Variants in L3MBTL4 observed in about 807,000 individuals in gnomAD.
L3MBTL4 encodes lethal(3)malignant brain tumor-like protein 4.
A neutral mutation model predicts 84.5 loss-of-function variants in L3MBTL4; 70 were observed. The observed-to-expected ratio is 0.83, with a 90% CI of 0.68 to 1.01. The LOEUF is 1.01. Among genes scored for constraint, L3MBTL4 ranks in the 50% least tolerant of loss-of-function variants. L3MBTL4 has a pLI of 0.00. For missense variants in L3MBTL4, 715 were observed against 754.8 expected, an observed-to-expected ratio of 0.95 and a Z score of 0.62; for synonymous variants, 274 against 259.8, an observed-to-expected ratio of 1.05 and a Z score of -0.52.
chr18:6,029,324 A>T (rs1243838140), intron 16 of L3MBTL4: 2 of 427,724 alleles, frequency 4.7e-6, no homozygotes, highest in African/African-American at 2.2e-5. Flanking sequence ...TAAAGTAATT[A>T]AGATATTTCA....
chr18:6,132,871 C>T (rs189549244), intron 14 of L3MBTL4, among the ~76,000 whole-genome samples: 11 of 152,104 alleles, frequency 7.2e-5, no homozygotes, highest in Non-Finnish European at 1.6e-4. Context: ...ACACGCCCAG[C>T]GCAGGAGGCA....
At position 6,186,290 on chromosome 18, in the gene L3MBTL4, C is replaced by T. The variant is rs145116829; in HGVS notation, c.982-14348G>A. Reference sequence around the variant, plus strand: ...CTCCTGACCTCAGGTGATCTGCCCACCTTGGCCTCCCAAAGTGCTGGGATT... The same window carrying T: ...CTCCTGACCTCAGGTGATCTGCCCATCTTGGCCTCCCAAAGTGCTGGGATT... On this transcript the variant is annotated intron_variant, in intron 12 of 18. Coordinates refer to ENST00000317931, the MANE Select transcript of L3MBTL4 (RefSeq NM_001330559.2). 4.1e-3 allele frequency among the ~76,000 whole-genome samples: 619 copies of T among 152,234 alleles called. 5 individuals are homozygous for T. Among genetic ancestry groups the T allele is most frequent in the African/African-American group, 0.014 (581 of 41,530 alleles).
chr18:6,077,148 A>G (rs2057881560), intron 16 of L3MBTL4, among the ~76,000 whole-genome samples: 1 of 152,016 alleles, frequency 6.6e-6, no homozygotes, highest in Admixed American at 6.6e-5. Flanking sequence ...AAACACATAA[A>G]CTCTATGTTC....
chr18:5,965,825 A>G (rs1211264567), intron 17 of L3MBTL4, among the ~76,000 whole-genome samples: 1 of 152,212 alleles, frequency 6.6e-6, no homozygotes, highest in Non-Finnish European at 1.5e-5. Context: ...AGACAGCAAG[A>G]CTAAGATATG....
In L3MBTL4 at chr18:6,078,856, T is replaced by C. The variant is rs112882522; in HGVS notation, c.1444+2025A>G. ...TCAGTGGGAGCCCTGAGCTTGTTTTTCTGCAACTAGACAGTCCCATCTGGG... is the reference window on the plus strand; with the variant it reads ...TCAGTGGGAGCCCTGAGCTTGTTTTCCTGCAACTAGACAGTCCCATCTGGG... On this transcript the variant is annotated intron_variant, in intron 16 of 18. Coordinates refer to ENST00000317931, the MANE Select transcript of L3MBTL4 (RefSeq NM_001330559.2). 5.5e-3 allele frequency among the ~76,000 whole-genome samples: 842 copies of C among 152,308 alleles called. 12 individuals carry two copies. The highest frequency in any genetic ancestry group is 0.02 in the African/African-American group (816 of 41,562).
chr18:6,168,921 C>T (rs369232586), intron 13 of L3MBTL4, among the ~76,000 whole-genome samples: 1 of 152,048 alleles, frequency 6.6e-6, no homozygotes, highest in Non-Finnish European at 1.5e-5. Flanking sequence ...ATTTTTGCAA[C>T]CTACTCATCT....
chr18:6,103,062 T>G (rs2058887322), intron 14 of L3MBTL4, among the ~76,000 whole-genome samples: 1 of 152,210 alleles, frequency 6.6e-6, no homozygotes, highest in African/African-American at 2.4e-5. Context: ...GCAACACTAA[T>G]GGCCTTTACA....
chr18:6,190,263 G>A (rs1329843003), intron 12 of L3MBTL4, among the ~76,000 whole-genome samples: 1 of 152,176 alleles, frequency 6.6e-6, no homozygotes, highest in African/African-American at 2.4e-5. Flanking sequence ...GGTTACCTCT[G>A]GAAAGGTATG....
intron 10 of L3MBTL4, among the ~76,000 whole-genome samples, chr18:6,234,234 A>G (rs1568355613): frequency 1.3e-5 from 2 of 152,238 alleles, no homozygotes; most frequent in African/African-American, 2.4e-5. Context: ...CCTAGGCAGT[A>G]CCATTCAGGA....
intron 4 of L3MBTL4, among the ~76,000 whole-genome samples, chr18:6,274,798 C>T (rs2146512757): frequency 6.6e-6 from 1 of 152,202 alleles, no homozygotes; most frequent in African/African-American, 2.4e-5. Context: ...ATGACGAGGT[C>T]TCGATTTGAG....
chr18:6,029,301 A>G (rs2055661668), intron 16 of L3MBTL4: 1 of 332,728 alleles, frequency 3.0e-6, no homozygotes, highest in African/African-American at 2.2e-5. Context: ...GAGTATGCTT[A>G]AATACACTAT....
intron 4 of L3MBTL4, among the ~76,000 whole-genome samples, chr18:6,274,279 A>G (rs1373954879): frequency 1.3e-5 from 2 of 152,202 alleles, no homozygotes; most frequent in African/African-American, 4.8e-5. Flanking sequence ...CTCTGGGAGT[A>G]GGGCCCAGCA....
At chr18:6,004,203 T>C (rs1351533141) in intron 16 of L3MBTL4, among the ~76,000 whole-genome samples, 2 of 152,166 alleles carry the variant, frequency 1.3e-5, no homozygotes, top group Non-Finnish European at 2.9e-5. Flanking sequence ...ATATTCATAC[T>C]GATTCTATAG....
chr18:6,002,883 T>A (rs1258445518), intron 16 of L3MBTL4, among the ~76,000 whole-genome samples: 2 of 151,394 alleles, frequency 1.3e-5, no homozygotes, highest in Non-Finnish European at 1.5e-5. Context: ...AACTCTCTAA[T>A]CAAAAAACAA....
intron 1 of L3MBTL4, chr18:6,356,857 G>A (rs893514368): frequency 3.9e-5 from 6 of 152,096 alleles, no homozygotes; most frequent in Admixed American, 6.6e-5. Context: ...TGATAAGTTG[G>A]TCTTAGCTTA....
intron 15 of L3MBTL4, among the ~76,000 whole-genome samples, chr18:6,089,260 G>T (rs1208610799): frequency 6.6e-6 from 1 of 152,110 alleles, no homozygotes; most frequent in Non-Finnish European, 1.5e-5. Flanking sequence ...GCAGGTAGAA[G>T]CCTTTAGTAT....
At chr18:6,216,559 C>T (rs1490599076) in intron 10 of L3MBTL4, among the ~76,000 whole-genome samples, 3 of 151,998 alleles carry the variant, frequency 2.0e-5, no homozygotes, top group Admixed American at 6.6e-5. Flanking sequence ...CTTCCTCCCT[C>T]CTACATCTCT....
chr18:6,029,094 C>T (rs2055651321), intron 16 of L3MBTL4, among the ~76,000 whole-genome samples: 1 of 152,160 alleles, frequency 6.6e-6, no homozygotes, highest in East Asian at 1.9e-4. Flanking sequence ...ATGACTACTT[C>T]TCACCCACTG....
In L3MBTL4 at chr18:6,149,422, C is replaced by T. The variant is rs562546115; in HGVS notation, c.1097-11126G>A. 6.5e-3 allele frequency among the ~76,000 whole-genome samples: 990 copies of T among 151,842 alleles called. 3 individuals carry two copies. The highest frequency in any genetic ancestry group is 9.7e-3 in the Non-Finnish European group (657 of 67,952). ...CATAGTATTCCATGGTGTATATGTG[C>T]CACATTTTCTTAATCCAGTCTATCA... On this transcript the variant is annotated intron_variant, in intron 13 of 18. Transcript: ENST00000317931.
Sources: gnomAD v4.1 joint callset for allele counts (sites outside exome capture counted in the v4.1 genomes callset) on GRCh38, gnomAD v4.1.1 for gene constraint, MANE v1.5 for transcripts, NCBI Gene and HGNC (gene_info 2026-07-23, HGNC 2026-07-21) for gene names.